The following ACSS3 variants were observed in gnomAD, a reference collection of about 807,000 sequenced individuals.
The protein encoded by ACSS3 is acyl-CoA synthetase short-chain family member 3, mitochondrial.
ACSS3 carries 64 observed loss-of-function variants against 84.2 expected under a neutral mutation model. The ratio of observed to expected loss-of-function variants is 0.76; its 90% CI spans 0.62 to 0.94. ACSS3 has a LOEUF of 0.94. ACSS3 is among the 40% of genes least tolerant of loss of function. The pLI is 0.00. For synonymous variants in ACSS3, 317 were observed against 310.1 expected (o/e 1.02, Z -0.23); for missense variants, 815 against 867.6 (o/e 0.94, Z 0.76).
intron 2 of ACSS3, among the ~76,000 whole-genome samples, chr12:81,127,484 T>C (rs1885179894): frequency 6.6e-6 from 1 of 152,190 alleles, no homozygotes; most frequent in African/African-American, 2.4e-5. Flanking sequence ...AAAATGTGTA[T>C]GATTAATATG....
At chr12:81,119,497 A>T (rs185502678) in intron 2 of ACSS3, among the ~76,000 whole-genome samples, 106 of 152,192 alleles carry the variant, frequency 7.0e-4, no homozygotes, top group African/African-American at 2.5e-3. Context: ...ACCAGGGTGT[A>T]TTTCAATCCT....
At chr12:81,084,149 T>C (rs1016895499) in intron 1 of ACSS3, among the ~76,000 whole-genome samples, 3 of 152,194 alleles carry the variant, frequency 2.0e-5, no homozygotes, top group African/African-American at 7.2e-5. Flanking sequence ...AACTTTTCCA[T>C]TGTGATCATT....
At chr12:81,193,926 C>CA (rs1359815399) in intron 8 of ACSS3, among the ~76,000 whole-genome samples, 1 of 151,654 alleles carries the variant, frequency 6.6e-6, no homozygotes, top group Non-Finnish European at 1.5e-5. Context: ...AATTACTCTA[C>CA]AAAAATGTCT....
intron 1 of ACSS3, among the ~76,000 whole-genome samples, chr12:81,084,510 G>A (rs1479286266): frequency 6.6e-6 from 1 of 152,096 alleles, no homozygotes; most frequent in Admixed American, 6.6e-5. Flanking sequence ...TTAAAGTTAC[G>A]AGGCTGAAAA....
intron 4 of ACSS3, among the ~76,000 whole-genome samples, chr12:81,140,106 A>C (rs2525837): frequency 0.91 from 139,126 of 152,236 alleles, 64,070 homozygotes; most frequent in Middle Eastern, 0.98. Flanking sequence ...CCTCAGCTAT[A>C]CTGACTCTTG....
intron 5 of ACSS3, among the ~76,000 whole-genome samples, chr12:81,147,827 T>G (rs2135744049): frequency 6.6e-6 from 1 of 152,148 alleles, no homozygotes; most frequent in Non-Finnish European, 1.5e-5. Context: ...AAATAAAATT[T>G]ATTTTCCCCC....
chr12:81,157,661 G>A (rs2135772323), intron 7 of ACSS3, among the ~76,000 whole-genome samples: 1 of 152,134 alleles, frequency 6.6e-6, no homozygotes, highest in Admixed American at 6.5e-5. Context: ...ACAAAAATTA[G>A]CCAGGCATGG....
intron 8 of ACSS3, among the ~76,000 whole-genome samples, chr12:81,194,381 C>A (rs1281782311): frequency 1.3e-5 from 2 of 151,728 alleles, no homozygotes; most frequent in Non-Finnish European, 3.0e-5. Flanking sequence ...GATAAAATAA[C>A]AATAACTTTT....
At position 81,179,201 on chromosome 12, in the gene ACSS3, T is replaced by G. The variant is rs1593165865; in HGVS notation, c.1250+4262T>G. Among the ~76,000 whole-genome samples, 4 of 147,136 alleles carry G rather than the reference T, an allele frequency of 2.7e-5. No individual in the cohort carries two copies. The South Asian group carries it at 8.5e-4, about 31-fold the overall frequency. ...AAAACTATAAAAATCCTAGAAGAAT[T>G]TATACAAAATAGCATTCTGGACATA... On this transcript the variant is annotated intron_variant, in intron 8 of 15. Coordinates refer to ENST00000548058, the MANE Select transcript of ACSS3 (RefSeq NM_024560.4).
intron 13 of ACSS3, among the ~76,000 whole-genome samples, chr12:81,236,557 C>T (rs1310645699): frequency 6.6e-6 from 1 of 151,274 alleles, no homozygotes; most frequent in Non-Finnish European, 1.5e-5. Context: ...ATATGGACAG[C>T]ATCTATTTGT....
At chr12:81,126,472 T>C (rs1360891335) in intron 2 of ACSS3, among the ~76,000 whole-genome samples, 1 of 152,232 alleles carries the variant, frequency 6.6e-6, no homozygotes. Context: ...TTATTTTCTC[T>C]GTCCACAATG....
intron 2 of ACSS3, among the ~76,000 whole-genome samples, chr12:81,114,454 A>T (rs144633823): frequency 9.2e-5 from 14 of 152,210 alleles, no homozygotes; most frequent in Non-Finnish European, 1.5e-4. Flanking sequence ...ACATTTTTTC[A>T]TCTGTCATAT....
At chr12:81,104,056 A>T (rs1397877818) in intron 1 of ACSS3, among the ~76,000 whole-genome samples, 1 of 152,208 alleles carries the variant, frequency 6.6e-6, no homozygotes, top group African/African-American at 2.4e-5. Context: ...AAGACAGAGA[A>T]AATATACTTC....
intron 5 of ACSS3, among the ~76,000 whole-genome samples, chr12:81,148,504 A>G (rs1886450749): frequency 6.6e-6 from 1 of 152,080 alleles, no homozygotes; most frequent in Admixed American, 6.5e-5. Context: ...AACACCATAA[A>G]CATTGTATTT....
chr12:81,185,893 T>G (rs1246462413), intron 8 of ACSS3, among the ~76,000 whole-genome samples: 1 of 151,730 alleles, frequency 6.6e-6, no homozygotes. Flanking sequence ...AGACCCCAAG[T>G]AGGCATAGCT....
At chr12:81,200,406 A>C (rs1447375018) in intron 9 of ACSS3, among the ~76,000 whole-genome samples, 1 of 152,194 alleles carries the variant, frequency 6.6e-6, no homozygotes, top group Non-Finnish European at 1.5e-5. Flanking sequence ...CATCTGGGGC[A>C]GAATATCAAA....
chr12:81,200,457 G>A (rs2032047891), intron 9 of ACSS3, among the ~76,000 whole-genome samples: 1 of 152,156 alleles, frequency 6.6e-6, no homozygotes, highest in Non-Finnish European at 1.5e-5. Flanking sequence ...CAAAAAATTA[G>A]CTCTGATTGT....
chr12:81,149,510 T>C (rs1427313457), intron 5 of ACSS3, among the ~76,000 whole-genome samples: 1 of 152,170 alleles, frequency 6.6e-6, no homozygotes, highest in Non-Finnish European at 1.5e-5. Context: ...CATGCATTTC[T>C]TTTTTCTGCA....
At position 81,259,457 on chromosome 12, in the gene ACSS3, A is replaced by G; in HGVS notation, c.*4535A>G. 1.5e-6 allele frequency: 1 copy of G among 669,318 alleles called. No individual in the cohort carries two copies. The highest frequency in any genetic ancestry group is 1.7e-5 in the South Asian group (1 of 60,574). The allele number at this position is 669,318 out of a possible 1,614,324, so 41.5% of individuals were successfully genotyped here. On this transcript the variant is annotated 3_prime_UTR_variant, in exon 16 of 16. Transcript: ENST00000548058. ...GTTTATGATGTAGATGATGTTTATT[A>G]TTCAAATGACTTAAGCATTTTATTA...
Sources: allele counts gnomAD v4.1 joint callset (sites outside exome capture counted in the v4.1 genomes callset), GRCh38; gene constraint gnomAD v4.1.1; transcripts MANE v1.5; gene names NCBI Gene and HGNC (gene_info 2026-07-23, HGNC 2026-07-21).